Variants in ARHGEF12 observed in about 807,000 individuals in gnomAD.
ARHGEF12 encodes Rho guanine nucleotide exchange factor 12, also known as KMT2A/ARHGEF12 fusion protein.
Under a neutral mutation model 211.2 loss-of-function variants are expected in ARHGEF12, and 66 were observed. The ratio of observed to expected loss-of-function variants is 0.31; its 90% confidence interval spans 0.26 to 0.38. The LOEUF (loss-of-function observed/expected upper bound fraction) is 0.38. ARHGEF12 is among the 10% of genes least tolerant of loss of function. The probability of loss-of-function intolerance (pLI) is 1.00; values close to 1 mark genes in which losing one functional copy is unlikely to be tolerated. For synonymous variants in ARHGEF12, 592 were observed against 638.4 expected (o/e 0.93, Z 1.09); for missense variants, 1,429 against 1,869.5 (o/e 0.76, Z 4.34).
At position 120,428,255 on chromosome 11, in the gene ARHGEF12, TGGGGA is replaced by T; in HGVS notation, c.585+9_585+13del. 1 of 1,552,840 alleles carries T rather than the reference TGGGGA, an allele frequency of 6.4e-7. No individual in the cohort carries two copies. The highest frequency in any genetic ancestry group is 8.7e-7 in the Non-Finnish European group (1 of 1,148,354). On this transcript the variant is annotated intron_variant, in intron 8 of 40. Coordinates refer to ENST00000397843, the MANE Select transcript of ARHGEF12 (RefSeq NM_015313.3). ...AGTCCTGTGCTCATGGGGGTAAGAA[TGGGGA>T]AATTTCTTAGTTAAATGCTCAGTCT... is the stretch of plus-strand genomic sequence containing the variant.
At chr11:120,395,623 G>A (rs1944360090) in intron 1 of ARHGEF12, among the ~76,000 whole-genome samples, 2 of 152,176 alleles carry the variant, frequency 1.3e-5, no homozygotes. Context: ...TCACAATCAT[G>A]GCAGAAGGCA....
chr11:120,440,141 C>T lies in ARHGEF12; in HGVS notation c.1012C>T (p.Leu338Phe). 1.2e-6 allele frequency: 2 copies of T among 1,612,320 alleles called. No individual in the cohort carries two copies. The highest frequency in any genetic ancestry group is 1.7e-6 in the Non-Finnish European group (2 of 1,179,158). The change falls in exon 13 of 41, where the codon CTT (leucine) becomes TTT (phenylalanine). Residue 338 changes from leucine to phenylalanine, a missense_variant. By Grantham distance (22) the Leu-to-Phe change is conservative (BLOSUM62 0). Coordinates refer to ENST00000397843, the MANE Select transcript of ARHGEF12 (RefSeq NM_015313.3). ...ETIQDTDTQSLVGSPSTRIAP... is the reference protein window; with the variant it reads ...ETIQDTDTQSFVGSPSTRIAP... ...TGAATGTTGCCAGGACACTCAATCA[C>T]TTGTCGGAAGTCCCTCAACCCGTAT...
At chr11:120,339,339 G>C (rs1431188337) in intron 1 of ARHGEF12, among the ~76,000 whole-genome samples, 1 of 151,958 alleles carries the variant, frequency 6.6e-6, no homozygotes, top group East Asian at 1.9e-4. Flanking sequence ...ATATATGTTG[G>C]GGTGAAATCT....
chr11:120,398,263 G>A (rs775382513), intron 1 of ARHGEF12, among the ~76,000 whole-genome samples: 1 of 152,216 alleles, frequency 6.6e-6, no homozygotes, highest in Non-Finnish European at 1.5e-5. Context: ...CTGAATGTCA[G>A]TGTTACACAG....
At chr11:120,393,874 G>A (rs918168752) in intron 1 of ARHGEF12, among the ~76,000 whole-genome samples, 27 of 147,418 alleles carry the variant, frequency 1.8e-4, no homozygotes, top group African/African-American at 6.8e-4. Flanking sequence ...TTTTTTTCAT[G>A]TTTGCAAGCA....
intron 4 of ARHGEF12, among the ~76,000 whole-genome samples, chr11:120,414,393 G>T (rs1156851496): frequency 6.6e-6 from 1 of 151,468 alleles, no homozygotes; most frequent in Non-Finnish European, 1.5e-5. Flanking sequence ...CTTCAAGGCT[G>T]TGATTTTTTT....
chr11:120,436,931 G>A (rs1945712231), intron 11 of ARHGEF12, among the ~76,000 whole-genome samples: 1 of 152,082 alleles, frequency 6.6e-6, no homozygotes, highest in Non-Finnish European at 1.5e-5. Flanking sequence ...AGGGCAAAAT[G>A]CTTTTAGCTT....
In ARHGEF12 at chr11:120,486,116, G is replaced by A. The variant is rs919284694; in HGVS notation, c.*1039G>A. 3 of 233,416 alleles carry A rather than the reference G, an allele frequency of 1.3e-5. No homozygotes were observed. The highest frequency in any genetic ancestry group is 1.7e-5 in the Non-Finnish European group (2 of 117,986). The allele number at this position is 233,416 out of a possible 1,614,324, so 14.5% of individuals were successfully genotyped here. On this transcript the variant is annotated 3_prime_UTR_variant, in exon 41 of 41. Coordinates refer to ENST00000397843, the MANE Select transcript of ARHGEF12 (RefSeq NM_015313.3). The stretch of plus-strand genomic sequence containing the variant: ...GGATGGGAGTGGGTAAAGAGTTTGG[G>A]AAGGTTATCTAACTGAATCACTACT...
chr11:120,360,073 CT>C (rs1477080756), intron 1 of ARHGEF12, among the ~76,000 whole-genome samples: 2 of 152,084 alleles, frequency 1.3e-5, no homozygotes, highest in Non-Finnish European at 2.9e-5. Context: ...AAGGTAGAGA[CT>C]CTTTAAAGGG....
chr11:120,406,238 A>G, intron 2 of ARHGEF12, 97 bp downstream of exon 2: 1 of 788,652 alleles, frequency 1.3e-6, no homozygotes, highest in Non-Finnish European at 1.9e-6. Context: ...GGTTTTTGAG[A>G]ATGTGTATTC....
At chr11:120,421,944 A>G in intron 6 of ARHGEF12, 92 bp downstream of exon 6, 1 of 951,322 alleles carries the variant, frequency 1.1e-6, no homozygotes, top group Non-Finnish European at 1.6e-6. Context: ...ATTTTTATAA[A>G]AAGCATCATA....
At chr11:120,460,372 T>C (rs1417113776) in intron 26 of ARHGEF12, among the ~76,000 whole-genome samples, 1 of 152,212 alleles carries the variant, frequency 6.6e-6, no homozygotes, top group Non-Finnish European at 1.5e-5. Context: ...AAATTCAAGT[T>C]CTTTTTGAGC....
chr11:120,445,721 G>A (rs1260143330), intron 16 of ARHGEF12, among the ~76,000 whole-genome samples: 1 of 151,912 alleles, frequency 6.6e-6, no homozygotes, highest in Non-Finnish European at 1.5e-5. Flanking sequence ...CAACATGGTG[G>A]AACCCTGTTT....
intron 1 of ARHGEF12, among the ~76,000 whole-genome samples, chr11:120,361,800 T>A (rs191734755): frequency 4.9e-4 from 75 of 152,326 alleles, no homozygotes; most frequent in Middle Eastern, 6.8e-3. Flanking sequence ...TTTAGGTTGT[T>A]CACATAAGTA....
At chr11:120,389,045 A>G (rs1229831076) in intron 1 of ARHGEF12, among the ~76,000 whole-genome samples, 1 of 151,350 alleles carries the variant, frequency 6.6e-6, no homozygotes, top group Non-Finnish European at 1.5e-5. Context: ...TTCTAGTTTT[A>G]GTTTTAGTAG....
chr11:120,447,120 C>T (rs766229056), intron 18 of ARHGEF12, 35 bp downstream of exon 18: 9 of 1,604,454 alleles, frequency 5.6e-6, no homozygotes, highest in Admixed American at 1.7e-5. Flanking sequence ...AATGCCCTCT[C>T]TGCTGAGATA....
intron 22 of ARHGEF12, among the ~76,000 whole-genome samples, chr11:120,452,840 A>G (rs1441949525): frequency 6.6e-6 from 1 of 152,094 alleles, no homozygotes; most frequent in African/African-American, 2.4e-5. Context: ...TACTAAAAAT[A>G]CAAAAATTGG....
At chr11:120,452,424 T>C (rs1446698813) in intron 22 of ARHGEF12, among the ~76,000 whole-genome samples, 1 of 152,146 alleles carries the variant, frequency 6.6e-6, no homozygotes, top group Non-Finnish European at 1.5e-5. Flanking sequence ...GCGGTTCAAT[T>C]TCTGGTGGTG....
intron 4 of ARHGEF12, among the ~76,000 whole-genome samples, chr11:120,419,989 C>G (rs1945135771): frequency 6.6e-6 from 1 of 152,174 alleles, no homozygotes; most frequent in South Asian, 2.1e-4. Context: ...ATTTCTATTC[C>G]TCTGGCTGGG....
Sources: allele counts gnomAD v4.1 joint callset (sites outside exome capture counted in the v4.1 genomes callset), GRCh38; gene constraint gnomAD v4.1.1; transcripts MANE v1.5; gene names NCBI Gene and HGNC (gene_info 2026-07-23, HGNC 2026-07-21).